SVEP1: variants seen among roughly 807,000 people sequenced by gnomAD.
The protein encoded by SVEP1 is sushi, von Willebrand factor type A, EGF and pentraxin domain-containing protein 1.
In SVEP1, 164 loss-of-function variants were observed where a neutral mutation model predicts 367.3. The ratio of observed to expected loss-of-function variants is 0.45; its 90% CI spans 0.39 to 0.51. The LOEUF is 0.51. Ranked by LOEUF, SVEP1 falls within the 20% of genes least tolerant of loss-of-function variation. The probability of loss-of-function intolerance (pLI) is 0.00; values close to 1 mark genes in which losing one functional copy is unlikely to be tolerated. For missense variants in SVEP1, 4,117 were observed against 4,425.3 expected, an observed-to-expected ratio of 0.93 and a Z score of 1.98; for synonymous variants, 1,666 against 1,611.6, an observed-to-expected ratio of 1.03 and a Z score of -0.81.
At chr9:110,444,430 T>A (rs1828559771) in intron 26 of SVEP1, among the ~76,000 whole-genome samples, 1 of 152,236 alleles carries the variant, frequency 6.6e-6, no homozygotes, top group South Asian at 2.1e-4. Context: ...AATATATTTC[T>A]GTTCTTTACA....
chr9:110,496,503 T>C (rs1171916071), intron 8 of SVEP1, among the ~76,000 whole-genome samples: 1 of 152,150 alleles, frequency 6.6e-6, no homozygotes, highest in Non-Finnish European at 1.5e-5. Context: ...TTGCCAGGAG[T>C]TCTTGTGCCT....
At chr9:110,374,688 G>A (rs1209167832) in intron 46 of SVEP1, among the ~76,000 whole-genome samples, 1 of 152,070 alleles carries the variant, frequency 6.6e-6, no homozygotes, top group African/African-American at 2.4e-5. Context: ...ACATGCTGGG[G>A]AGGTTGTGGA....
intron 46 of SVEP1, 100 bp downstream of exon 46, chr9:110,375,268 C>T (rs1355844140): frequency 1.9e-5 from 20 of 1,057,230 alleles, no homozygotes; most frequent in Non-Finnish European, 2.7e-5. Context: ...AGTACTTTTT[C>T]ATTTTGCCAC....
Position 110,407,699 on chromosome 9 carries a change from A to G in SVEP1, c.7901T>C (p.Phe2634Ser). 6 of 1,613,998 alleles carry G rather than the reference A, an allele frequency of 3.7e-6. No homozygotes were observed. Among genetic ancestry groups the G allele is most frequent in the Non-Finnish European group, 5.1e-6 (6 of 1,179,884 alleles). ...TTCCATCATGTCGTCTTCTTGCTCA[A>G]AATATCCCTGGTCATCTTTGAGTTT... is the stretch of plus-strand genomic sequence containing the variant. Reference protein sequence around the residue: ...CTKLKDDQGYFEQEDDMMEVP... With the variant: ...CTKLKDDQGYSEQEDDMMEVP... The change falls in exon 38 of 48, where the codon TTT becomes TCT. Residue 2634 changes from phenylalanine to serine, a missense_variant. By Grantham distance (155) the Phe-to-Ser change is radical. Coordinates refer to ENST00000374469, the MANE Select transcript of SVEP1 (RefSeq NM_153366.4).
intron 3 of SVEP1, among the ~76,000 whole-genome samples, chr9:110,531,108 CA>C (rs1393113605): frequency 2.2e-4 from 34 of 152,202 alleles, no homozygotes; most frequent in African/African-American, 8.2e-4. Flanking sequence ...ATATGGCATG[CA>C]AATAATAAAG....
In SVEP1 at chr9:110,429,334, C is replaced by T. The variant is rs749179579; in HGVS notation, c.5616G>A (p.Arg1872=). 5 of 1,526,140 alleles carry T rather than the reference C, an allele frequency of 3.3e-6. No homozygotes were observed. In the Admixed American group the frequency reaches 1.1e-4, roughly 34 times the overall value. 94.5% of individuals were successfully genotyped at this position (1,526,140 alleles called of 1,614,324 possible). A position where few individuals can be genotyped will look rare whatever the true frequency, so the allele number is the denominator to read the frequency against. The stretch of plus-strand genomic sequence containing the variant: ...CGGCCAGAGTATATCCTTTATTACA[C>T]CTAAAGAAGATAGAGGAAAATTACA... ...AFTFGSKVTY[R]CNKGYTLAGD... Residue 1872 remains arginine (R), a splice_region_variant and synonymous_variant, in exon 35 of 48, where the codon AGG becomes AGA. Coordinates refer to ENST00000374469, the MANE Select transcript of SVEP1 (RefSeq NM_153366.4).
At chr9:110,549,759 T>C (rs1247308725) in intron 2 of SVEP1, 90 bp downstream of exon 2, 3 of 1,506,382 alleles carry the variant, frequency 2.0e-6, no homozygotes, top group Non-Finnish European at 2.7e-6. Flanking sequence ...TTGTGAGAGT[T>C]TGATATTACC....
Position 110,533,594 on chromosome 9 carries a change from C to CTGTGTGTGTG in SVEP1, c.964+12511_964+12520dup, listed in dbSNP as rs61074591. Among the ~76,000 whole-genome samples the CTGTGTGTGTG allele has an allele frequency of 1.6e-3, 233 of 146,706 alleles. 2 individuals carry two copies. Among genetic ancestry groups the CTGTGTGTGTG allele is most frequent in the African/African-American group, 5.0e-3 (202 of 40,016 alleles). On this transcript the variant is annotated intron_variant, in intron 3 of 47. Coordinates refer to ENST00000374469, the MANE Select transcript of SVEP1 (RefSeq NM_153366.4). ...ACCCGGGGTTACTATCTCTGTGTGT[C>CTGTGTGTGTG]TGTGTGTGTGTGTGCACGCACACGT... is the stretch of plus-strand genomic sequence containing the variant.
At chr9:110,431,354 T>C (rs1472223977) in intron 32 of SVEP1, among the ~76,000 whole-genome samples, 1 of 152,196 alleles carries the variant, frequency 6.6e-6, no homozygotes, top group Non-Finnish European at 1.5e-5. Flanking sequence ...ACTGTTTATA[T>C]GGTGTGTTCA....
intron 4 of SVEP1, 44 bp from the exon 5 acceptor site, chr9:110,513,149 T>C (rs561517978): frequency 6.5e-7 from 1 of 1,547,352 alleles, no homozygotes; most frequent in African/African-American, 1.4e-5. Context: ...GTTAGCCTTT[T>C]GTCTATGACA....
chr9:110,445,337 A>G (rs1000352314), intron 26 of SVEP1, among the ~76,000 whole-genome samples: 6 of 152,204 alleles, frequency 3.9e-5, no homozygotes, highest in African/African-American at 9.6e-5. Context: ...TGGATTCTAA[A>G]AAAAATATGC....
intron 8 of SVEP1, among the ~76,000 whole-genome samples, chr9:110,490,266 AT>A (rs1420269882): frequency 6.6e-6 from 1 of 152,188 alleles, no homozygotes; most frequent in Non-Finnish European, 1.5e-5. Context: ...CATATAGTTT[AT>A]AAAGATCAAA....
intron 1 of SVEP1, among the ~76,000 whole-genome samples, chr9:110,565,449 G>A (rs185516596): frequency 6.6e-6 from 1 of 152,324 alleles, no homozygotes; most frequent in Non-Finnish European, 1.5e-5. Flanking sequence ...CAGAAAGCTA[G>A]ATAAATACAA....
chr9:110,377,848 T>C (rs1420205496), intron 44 of SVEP1, among the ~76,000 whole-genome samples: 1 of 152,188 alleles, frequency 6.6e-6, no homozygotes, highest in Non-Finnish European at 1.5e-5. Flanking sequence ...GAAACTTTGA[T>C]ACCTTGAGCA....
chr9:110,450,328 TTGAC>T, intron 23 of SVEP1, 68 bp from the exon 24 acceptor site: 4 of 1,517,774 alleles, frequency 2.6e-6, no homozygotes, highest in Non-Finnish European at 3.6e-6. Context: ...AACTAAAGTG[TTGAC>T]TCCCTGGAGG....
intron 5 of SVEP1, among the ~76,000 whole-genome samples, chr9:110,510,450 G>C (rs1427530564): frequency 3.3e-5 from 5 of 152,164 alleles, no homozygotes; most frequent in South Asian, 2.1e-4. Context: ...TGAGGGGTGG[G>C]GGCAGGTCTG....
chr9:110,377,430 G>T, intron 44 of SVEP1, 64 bp from the exon 45 acceptor site: 1 of 1,476,012 alleles, frequency 6.8e-7, no homozygotes, highest in Non-Finnish European at 9.4e-7. Flanking sequence ...TCAGAAAATA[G>T]AATTGCCCCT....
At chr9:110,392,652 G>T (rs1485410171) in intron 40 of SVEP1, among the ~76,000 whole-genome samples, 3 of 152,142 alleles carry the variant, frequency 2.0e-5, no homozygotes, top group Non-Finnish European at 4.4e-5. Context: ...CAAACAGGTA[G>T]CACTGGAAAG....
intron 9 of SVEP1, among the ~76,000 whole-genome samples, chr9:110,488,492 A>G (rs972133894): frequency 2.7e-5 from 4 of 146,866 alleles, no homozygotes; most frequent in African/African-American, 7.3e-5. Flanking sequence ...TAATGGAGGG[A>G]AAAAAAAGAC....
Sources: gnomAD v4.1 joint callset for allele counts (sites outside exome capture counted in the v4.1 genomes callset) on GRCh38, gnomAD v4.1.1 for gene constraint, MANE v1.5 for transcripts, NCBI Gene and HGNC (gene_info 2026-07-23, HGNC 2026-07-21) for gene names.